PACS1: variants seen among roughly 807,000 people sequenced by gnomAD.
The protein encoded by PACS1 is phosphofurin acidic cluster sorting protein 1.
A neutral mutation model predicts 115.0 loss-of-function variants in PACS1; 24 were observed. The ratio of observed to expected loss-of-function variants is 0.21; its 90% confidence interval spans 0.15 to 0.29. PACS1 has a LOEUF of 0.29. Ranked by LOEUF, PACS1 falls within the 10% of genes least tolerant of loss-of-function variation. The pLI is 1.00. For synonymous variants in PACS1, 453 were observed against 504.5 expected, an observed-to-expected ratio of 0.90 and a Z score of 1.37; for missense variants, 838 against 1,251.2, an observed-to-expected ratio of 0.67 and a Z score of 4.98.
intron 1 of PACS1, among the ~76,000 whole-genome samples, chr11:66,175,018 G>A (rs1014972115): frequency 6.6e-6 from 1 of 152,034 alleles, no homozygotes; most frequent in African/African-American, 2.4e-5. Flanking sequence ...GGGCGTGGTC[G>A]CAGACGCCTG....
At chr11:66,129,024 A>G (rs1352865062) in intron 1 of PACS1, among the ~76,000 whole-genome samples, 3 of 152,302 alleles carry the variant, frequency 2.0e-5, no homozygotes, top group South Asian at 2.1e-4. Flanking sequence ...CGTCTTGGCT[A>G]TGATGGTGAT....
In PACS1 at chr11:66,221,202, C is replaced by A. The variant is rs528292845; in HGVS notation, c.1248C>A (p.Gly416=). Residue 416 remains glycine (G), a synonymous_variant, in exon 10 of 24, where the codon GGC becomes GGA. Coordinates refer to ENST00000320580, the MANE Select transcript of PACS1 (RefSeq NM_018026.4). ...MSQSSSQTEI[G]SLNSKGSLGK... is the part of the protein sequence containing the mutation. ...AGTCCAGCTCCCAGACGGAGATTGG[C>A]AGCCTCAACAGCAAAGGCAGCCTCG... is the stretch of plus-strand genomic sequence containing the variant. The A allele has an allele frequency of 6.2e-7, 1 of 1,614,222 alleles. No individual in the cohort carries two copies. Among genetic ancestry groups the A allele is most frequent in the East Asian group, 2.2e-5 (1 of 44,884 alleles).
intron 1 of PACS1, among the ~76,000 whole-genome samples, chr11:66,154,681 C>G (rs534140198): frequency 6.6e-6 from 1 of 152,114 alleles, no homozygotes; most frequent in Non-Finnish European, 1.5e-5. Flanking sequence ...AACTTACATA[C>G]TGAAAACTAC....
At position 66,233,483 on chromosome 11, in the gene PACS1, G is replaced by A. The variant is rs534233456; in HGVS notation, c.1839-302G>A. On this transcript the variant is annotated intron_variant, in intron 15 of 23. Transcript: ENST00000320580. The surrounding 1 kb of genome is among the most constrained non-coding windows in gnomAD (Gnocchi z 4.5). ...CCAAGTCCCTTGCCCTTGTGAAAGA[G>A]AACTATGGATTCCAGGCCTGGGGGC... Among the ~76,000 whole-genome samples, 182 of 152,346 alleles carry A rather than the reference G, an allele frequency of 1.2e-3. No individual in the cohort carries two copies. Among genetic ancestry groups the A allele is most frequent in the African/African-American group, 4.2e-3 (176 of 41,568 alleles).
At chr11:66,164,268 C>T (rs973530414) in intron 1 of PACS1, among the ~76,000 whole-genome samples, 3 of 152,034 alleles carry the variant, frequency 2.0e-5, no homozygotes, top group African/African-American at 7.2e-5. Context: ...CAGTTCATCA[C>T]TCAAGTCTCG....
At chr11:66,209,769 G>A (rs1037020116) in intron 2 of PACS1, among the ~76,000 whole-genome samples, 5 of 152,040 alleles carry the variant, frequency 3.3e-5, no homozygotes, top group Non-Finnish European at 7.4e-5. Flanking sequence ...GCCGGGCATT[G>A]TGGCAGGTGC....
intron 2 of PACS1, among the ~76,000 whole-genome samples, chr11:66,194,049 C>T (rs1439960639): frequency 2.6e-5 from 4 of 152,132 alleles, no homozygotes; most frequent in Non-Finnish European, 4.4e-5. Context: ...CTGCAAGCTC[C>T]GCCTCCCGGG....
chr11:66,235,496 CA>C lies in PACS1; in HGVS notation c.2207+94del. 1.1e-6 allele frequency: 1 copy of C among 916,122 alleles called. No individual in the cohort carries two copies. The highest frequency in any genetic ancestry group is 1.7e-6 in the Non-Finnish European group (1 of 572,002). The allele number at this position is 916,122 out of a possible 1,614,324, so 56.7% of individuals were successfully genotyped here. A position where few individuals can be genotyped will look rare whatever the true frequency, so the allele number is the denominator to read the frequency against. ...TGCTTTCTCACATTTTCCTTCTCCA[CA>C]TGCTATATTCCTTCATAGGAACCCA... On this transcript the variant is annotated intron_variant, in intron 18 of 23. Coordinates refer to ENST00000320580, the MANE Select transcript of PACS1 (RefSeq NM_018026.4). This position sits in a 1 kb window ranked among gnomAD's most constrained non-coding sequence, Gnocchi z 5.6.
At chr11:66,167,004 G>C (rs1253358270) in intron 1 of PACS1, among the ~76,000 whole-genome samples, 1 of 150,378 alleles carries the variant, frequency 6.6e-6, no homozygotes, top group Non-Finnish European at 1.5e-5. Flanking sequence ...AATAGTTTCT[G>C]AAGTGATTGT....
rs562418648 is a variant in PACS1, at chr11:66,230,600, C to A, written c.1427C>A (p.Pro476Gln). 3.4e-5 allele frequency: 55 copies of A among 1,613,874 alleles called. No individual in the cohort carries two copies. The highest frequency in any genetic ancestry group is 4.6e-5 in the Non-Finnish European group (54 of 1,179,966). ...GATGCCAGCACGAGTCTGGTTGTGCCGGAGAAAGTCAAAACTCCCATGAAG... is the reference window on the plus strand; with the variant it reads ...GATGCCAGCACGAGTCTGGTTGTGCAGGAGAAAGTCAAAACTCCCATGAAG... ...FGDASTSLVV[P>Q]EKVKTPMKSS... Residue 476 changes from proline to glutamine, a missense_variant, in exon 12 of 24, where the codon CCG becomes CAG. Pro to Gln is a moderately conservative substitution (Grantham distance 76). Coordinates refer to ENST00000320580, the MANE Select transcript of PACS1 (RefSeq NM_018026.4).
At chr11:66,179,844 T>C (rs1859959129) in intron 1 of PACS1, among the ~76,000 whole-genome samples, 1 of 152,188 alleles carries the variant, frequency 6.6e-6, no homozygotes, top group African/African-American at 2.4e-5. Context: ...TCATTGTTTG[T>C]TTGTTTATTT....
chr11:66,217,749 G>C, intron 7 of PACS1: 1 of 387,632 alleles, frequency 2.6e-6, no homozygotes, highest in Non-Finnish European at 5.2e-6. Context: ...TGTGTCACCA[G>C]TACCCCAAAT....
At chr11:66,133,805 A>T (rs1858761617) in intron 1 of PACS1, among the ~76,000 whole-genome samples, 1 of 152,178 alleles carries the variant, frequency 6.6e-6, no homozygotes, top group African/African-American at 2.4e-5. Flanking sequence ...GCGCCCAGCC[A>T]GACTTTTTTG....
intron 1 of PACS1, among the ~76,000 whole-genome samples, chr11:66,186,135 T>C (rs1242758794): frequency 6.6e-6 from 1 of 151,698 alleles, no homozygotes; most frequent in Non-Finnish European, 1.5e-5. Flanking sequence ...ATTAGCTGGG[T>C]GCGGTAGAAT....
intron 19 of PACS1, chr11:66,238,316 T>C: frequency 2.3e-5 from 23 of 985,296 alleles, no homozygotes; most frequent in Non-Finnish European, 2.8e-5. Context: ...CACAGGACCT[T>C]AGAGAAACAA....
At chr11:66,094,868 C>G (rs1857743281) in intron 1 of PACS1, among the ~76,000 whole-genome samples, 2 of 152,072 alleles carry the variant, frequency 1.3e-5, no homozygotes, top group Non-Finnish European at 2.9e-5. Context: ...GGGCTTCATC[C>G]CTGGGATGCA....
intron 1 of PACS1, among the ~76,000 whole-genome samples, chr11:66,083,095 C>T (rs542708857): frequency 2.6e-5 from 4 of 152,092 alleles, no homozygotes; most frequent in Non-Finnish European, 5.9e-5. Flanking sequence ...GAAATTATGT[C>T]CTCAGAGTTA....
intron 1 of PACS1, among the ~76,000 whole-genome samples, chr11:66,165,855 A>T (rs1859588178): frequency 6.6e-6 from 1 of 152,180 alleles, no homozygotes; most frequent in East Asian, 1.9e-4. Flanking sequence ...AAGACCCGTC[A>T]GTTCTATCAG....
intron 1 of PACS1, among the ~76,000 whole-genome samples, chr11:66,083,478 C>T (rs1464775459): frequency 6.6e-6 from 1 of 152,268 alleles, no homozygotes; most frequent in East Asian, 1.9e-4. Context: ...AGGAAAGTAT[C>T]ATCTCACTGG....
Sources: allele counts gnomAD v4.1 joint callset (sites outside exome capture counted in the v4.1 genomes callset), GRCh38; gene constraint gnomAD v4.1.1; non-coding constraint Gnocchi (gnomAD v3.1); transcripts MANE v1.5; gene names NCBI Gene and HGNC (gene_info 2026-07-23, HGNC 2026-07-21).